The following NDP variants were observed in gnomAD, a reference collection of about 807,000 sequenced individuals.
NDP encodes norrin.
Under a neutral mutation model 8.4 loss-of-function variants are expected in NDP, and 2 were observed. That is an observed-to-expected ratio of 0.24 (90% confidence interval 0.10 to 0.75). The LOEUF (loss-of-function observed/expected upper bound fraction) is 0.75, where lower values mean the gene tolerates loss of function less well. Among genes scored for constraint, NDP ranks in the 30% least tolerant of loss-of-function variants. The pLI is 0.73. For synonymous variants in NDP, 55 were observed against 45.6 expected (o/e 1.21, Z -0.83); for missense variants, 81 against 110.1 (o/e 0.74, Z 1.18).
At chrX:43,963,303 C>T (rs766918235) in intron 1 of NDP, among the ~76,000 whole-genome samples, 2 of 108,030 alleles carry the variant, frequency 1.9e-5, no homozygotes, top group South Asian at 8.0e-4. Flanking sequence ...TTCTAGCTCA[C>T]TGACTCTGCA....
At chrX:43,950,814 GCAAA>G (rs1179508746) in intron 2 of NDP, among the ~76,000 whole-genome samples, 2 of 112,066 alleles carry the variant, frequency 1.8e-5, no homozygotes, top group African/African-American at 6.5e-5. Flanking sequence ...TCTGGCTTTA[GCAAA>G]CAGACACCTT....
intron 1 of NDP, chrX:43,969,730 A>G (rs773720479): frequency 4.5e-5 from 5 of 112,172 alleles, no homozygotes; most frequent in African/African-American, 1.6e-4. Flanking sequence ...GGGAGATCCC[A>G]TGGGCTGTTC....
intron 2 of NDP, chrX:43,953,417 A>G (rs1023636383): frequency 8.9e-6 from 1 of 112,056 alleles, no homozygotes; most frequent in Non-Finnish European, 1.9e-5. Flanking sequence ...GTTCTGATTG[A>G]GTAGTTCTGG....
At chrX:43,956,218 C>T in intron 2 of NDP, among the ~76,000 whole-genome samples, 1 of 112,028 alleles carries the variant, frequency 8.9e-6, no homozygotes, top group South Asian at 3.8e-4. Context: ...CTTCCCTGAG[C>T]CTGGGTCACA....
chrX:43,953,913 C>G (rs2035776826), intron 2 of NDP, among the ~76,000 whole-genome samples: 1 of 112,521 alleles, frequency 8.9e-6, no homozygotes, highest in South Asian at 3.7e-4. Flanking sequence ...ACAAGTCTAA[C>G]TTTTTCTTGT....
At chrX:43,950,691 C>A (rs1248255642) in intron 2 of NDP, among the ~76,000 whole-genome samples, 1 of 111,235 alleles carries the variant, frequency 9.0e-6, no homozygotes, top group African/African-American at 3.3e-5. Context: ...ATTGCATCCG[C>A]ATCTTCAGAG....
At chrX:43,963,493 T>C (rs960675585) in intron 1 of NDP, among the ~76,000 whole-genome samples, 4 of 112,453 alleles carry the variant, frequency 3.6e-5, no homozygotes, top group Admixed American at 2.8e-4. Flanking sequence ...TGATATTTAT[T>C]GTAATTTTTT....
chrX:43,970,688 C>G (rs1364587314), intron 1 of NDP, among the ~76,000 whole-genome samples: 1 of 111,296 alleles, frequency 9.0e-6, no homozygotes, highest in Non-Finnish European at 1.9e-5. Flanking sequence ...TGTTTTGATA[C>G]TGGGGGTGGG....
At chrX:43,970,376 C>G (rs1174728740) in intron 1 of NDP, among the ~76,000 whole-genome samples, 3 of 112,053 alleles carry the variant, frequency 2.7e-5, no homozygotes, top group African/African-American at 9.7e-5. Context: ...AGGATGGGCT[C>G]GAAGGCCGCT....
At chrX:43,972,546 C>T (rs374685630) in intron 1 of NDP, among the ~76,000 whole-genome samples, 3 of 111,509 alleles carry the variant, frequency 2.7e-5, no homozygotes, top group African/African-American at 9.8e-5. Context: ...GAACATCATG[C>T]TGCAGGGACG....
chrX:43,967,319 T>A lies in NDP; in HGVS notation c.-208+5985A>T, dbSNP rs1054321440. On this transcript the variant is annotated intron_variant, in intron 1 of 2. Coordinates refer to ENST00000642620, the MANE Select transcript of NDP (RefSeq NM_000266.4). ...CAATGCAATGAGCCCTAAAATATCCTCTCAAGTTTTAAAGAAAAATTGGAC... is the reference window on the plus strand; with the variant it reads ...CAATGCAATGAGCCCTAAAATATCCACTCAAGTTTTAAAGAAAAATTGGAC... Among the ~76,000 whole-genome samples, 3 of 111,696 alleles carry A rather than the reference T, an allele frequency of 2.7e-5. 1 individual carries two copies. In the Admixed American group the frequency reaches 2.9e-4, roughly 11 times the overall value.
At chrX:43,954,027 C>T (rs2035777465) in intron 2 of NDP, among the ~76,000 whole-genome samples, 1 of 112,452 alleles carries the variant, frequency 8.9e-6, no homozygotes, top group Non-Finnish European at 1.9e-5. Context: ...AGAATAAAGA[C>T]CCACCTGTCC....
chrX:43,960,145 C>T (rs1224261938), intron 1 of NDP, among the ~76,000 whole-genome samples: 8 of 111,520 alleles, frequency 7.2e-5, no homozygotes, highest in Non-Finnish European at 1.3e-4. Context: ...AGCAAAGCCT[C>T]AGCACATGTG....
At chrX:43,955,808 A>G (rs899058090) in intron 2 of NDP, among the ~76,000 whole-genome samples, 2 of 112,095 alleles carry the variant, frequency 1.8e-5, no homozygotes, top group Non-Finnish European at 3.8e-5. Flanking sequence ...GGGACCTAGG[A>G]CTGGCCAGCT....
At position 43,948,833 on chromosome X, in the gene NDP, A is replaced by C. The variant is rs1430951948; in HGVS notation, c.*966T>G. ...GGAATAACTCAAAATTTGAGCCTCC[A>C]GGACCAAAACACATTTGAACCAAAC... On this transcript the variant is annotated 3_prime_UTR_variant, in exon 3 of 3. Coordinates refer to ENST00000642620, the MANE Select transcript of NDP (RefSeq NM_000266.4). 2 of 112,065 alleles carry C rather than the reference A, an allele frequency of 1.8e-5. No homozygotes were observed. Among genetic ancestry groups the C allele is most frequent in the African/African-American group, 6.5e-5 (2 of 30,817 alleles). The allele number at this position is 112,065 out of a possible 1,213,427, so 9.2% of individuals were successfully genotyped here.
At chrX:43,953,544 C>T (rs1312454810) in intron 2 of NDP, 1 of 112,553 alleles carries the variant, frequency 8.9e-6, no homozygotes, top group Non-Finnish European at 1.9e-5. Context: ...GAGGGCTGTG[C>T]TCTAGATGAA....
At chrX:43,967,458 G>A (rs1247307330) in intron 1 of NDP, among the ~76,000 whole-genome samples, 3 of 110,733 alleles carry the variant, frequency 2.7e-5, no homozygotes, top group South Asian at 3.9e-4. Flanking sequence ...ATTTTACTTC[G>A]AGTTGAAGAT....
At chrX:43,953,119 A>G (rs1456995745) in intron 2 of NDP, among the ~76,000 whole-genome samples, 2 of 73,704 alleles carry the variant, frequency 2.7e-5, no homozygotes, top group African/African-American at 1.8e-4. Context: ...TGAACCATTG[A>G]TGTTCTCAAC....
intron 2 of NDP, chrX:43,954,433 AC>A (rs892074373): frequency 9.1e-6 from 1 of 110,185 alleles, no homozygotes; most frequent in African/African-American, 3.3e-5. Context: ...TGCACAGAAC[AC>A]CCCTCCTCCC....
Sources: gnomAD v4.1 joint callset for allele counts (sites outside exome capture counted in the v4.1 genomes callset) on GRCh38, gnomAD v4.1.1 for gene constraint, MANE v1.5 for transcripts, NCBI Gene and HGNC (gene_info 2026-07-23, HGNC 2026-07-21) for gene names.